CACNA2D3: variants seen among roughly 807,000 people sequenced by gnomAD.
CACNA2D3 encodes the protein calcium voltage-gated channel auxiliary subunit alpha2delta 3.
CACNA2D3 carries 60 observed loss-of-function variants against 160.6 expected under a neutral mutation model. The observed-to-expected ratio is 0.37, with a 90% CI of 0.30 to 0.46. The LOEUF (loss-of-function observed/expected upper bound fraction) is 0.46. Ranked by LOEUF, CACNA2D3 falls within the 20% of genes least tolerant of loss-of-function variation. The pLI, the probability that CACNA2D3 is intolerant of heterozygous loss-of-function variation, is 1.00. For synonymous variants in CACNA2D3, 558 were observed against 492.9 expected, an observed-to-expected ratio of 1.13 and a Z score of -1.75; for missense variants, 1,205 against 1,365.0, an observed-to-expected ratio of 0.88 and a Z score of 1.85.
At chr3:54,775,060 T>TGAAAG (rs1702402126) in intron 13 of CACNA2D3, among the ~76,000 whole-genome samples, 9 of 152,234 alleles carry the variant, frequency 5.9e-5, no homozygotes, top group Non-Finnish European at 2.9e-5. Flanking sequence ...TAAACCTTAA[T>TGAAAG]TTATTTGCCT....
At chr3:54,595,050 C>G (rs978911829) in intron 9 of CACNA2D3, among the ~76,000 whole-genome samples, 1 of 152,118 alleles carries the variant, frequency 6.6e-6, no homozygotes, top group Non-Finnish European at 1.5e-5. Context: ...AGAGTAAATT[C>G]TAGTTCAGAT....
intron 27 of CACNA2D3, among the ~76,000 whole-genome samples, chr3:54,915,989 C>T (rs1393829061): frequency 6.6e-6 from 1 of 152,204 alleles, no homozygotes; most frequent in South Asian, 2.1e-4. Context: ...GGATCAGAAA[C>T]TCCCTCATGT....
In CACNA2D3 at chr3:54,997,710, A is replaced by G. The variant is rs143483201; in HGVS notation, c.2691-7053A>G. On this transcript the variant is annotated intron_variant, in intron 31 of 37. Transcript: ENST00000474759. ...GCACTGAAGCCTGGGTGACAGAACA[A>G]TACCCCATCTCAAAAGAGAAAAGAA... is the stretch of plus-strand genomic sequence containing the variant. 1.4e-3 allele frequency among the ~76,000 whole-genome samples: 211 copies of G among 152,354 alleles called. 5 individuals are homozygous for G. The highest frequency in any genetic ancestry group is 0.01 in the Middle Eastern group (3 of 294).
At chr3:54,276,085 C>T (rs1260994282) in intron 2 of CACNA2D3, among the ~76,000 whole-genome samples, 1 of 151,990 alleles carries the variant, frequency 6.6e-6, no homozygotes, top group Non-Finnish European at 1.5e-5. Flanking sequence ...ATCCTGAAGC[C>T]CCGATTGAAT....
chr3:54,754,114 A>G (rs917682342), intron 12 of CACNA2D3, among the ~76,000 whole-genome samples: 8 of 152,224 alleles, frequency 5.3e-5, no homozygotes, highest in Admixed American at 5.2e-4. Flanking sequence ...TCATAAGGTT[A>G]ATTGATTACC....
chr3:54,465,928 C>G (rs1003458030), intron 4 of CACNA2D3, among the ~76,000 whole-genome samples: 1 of 152,134 alleles, frequency 6.6e-6, no homozygotes, highest in African/African-American at 2.4e-5. Context: ...TTCATTGAGG[C>G]TGTTGGAAGA....
In CACNA2D3 at chr3:54,274,069, G is replaced by A. The variant is rs1223440022; in HGVS notation, c.205-46373G>A. On this transcript the variant is annotated intron_variant, in intron 2 of 37. Transcript: ENST00000474759. ...AGTATACTACAGTGTGTCTTTGTTTGTGTTAGTCTACTGGAAATGACCTTC... is the reference window on the plus strand; with the variant it reads ...AGTATACTACAGTGTGTCTTTGTTTATGTTAGTCTACTGGAAATGACCTTC... Among the ~76,000 whole-genome samples the A allele has an allele frequency of 2.6e-5, 4 of 152,024 alleles. No individual in the cohort carries two copies. The South Asian group carries it at 8.3e-4, about 32-fold the overall frequency.
intron 4 of CACNA2D3, among the ~76,000 whole-genome samples, chr3:54,502,972 C>T (rs1247640108): frequency 6.6e-6 from 1 of 152,166 alleles, no homozygotes; most frequent in Non-Finnish European, 1.5e-5. Flanking sequence ...GGATTTCTCC[C>T]CTCATTTAAT....
At chr3:54,593,929 A>C (rs1702906383) in intron 9 of CACNA2D3, among the ~76,000 whole-genome samples, 1 of 152,202 alleles carries the variant, frequency 6.6e-6, no homozygotes, top group African/African-American at 2.4e-5. Flanking sequence ...TCTATGCGAG[A>C]TGTAGTACAG....
chr3:54,742,898 T>C (rs1701682800), intron 11 of CACNA2D3, among the ~76,000 whole-genome samples: 3 of 152,214 alleles, frequency 2.0e-5, no homozygotes, highest in African/African-American at 2.4e-5. Flanking sequence ...GATCAGAGCT[T>C]TTTTATACCT....
In CACNA2D3 at chr3:54,687,146, T is replaced by G. The variant is rs1040525980; in HGVS notation, c.1167+44905T>G. The stretch of plus-strand genomic sequence containing the variant: ...CTTTTTTTTTTTTTGTTTTTTTTTT[T>G]TTTTGTTTTTTTGACACTGGGCCTC... On this transcript the variant is annotated intron_variant, in intron 11 of 37. Transcript: ENST00000474759. Among the ~76,000 whole-genome samples, 370 of 76,822 alleles carry G rather than the reference T, an allele frequency of 4.8e-3. 3 individuals are homozygous for G. Among genetic ancestry groups the G allele is most frequent in the South Asian group, 0.019 (57 of 2,946 alleles). 50.4% of individuals were successfully genotyped at this position (76,822 alleles called of 152,430 possible). A position where few individuals can be genotyped will look rare whatever the true frequency, so the allele number is the denominator to read the frequency against.
At chr3:54,809,308 T>C (rs796398521) in intron 13 of CACNA2D3, among the ~76,000 whole-genome samples, 37 of 92,718 alleles carry the variant, frequency 4.0e-4, no homozygotes, top group Middle Eastern at 5.1e-3. Flanking sequence ...TCCTTCCTTC[T>C]TTCTTTTTTT....
chr3:54,369,448 C>G (rs1276293588), intron 3 of CACNA2D3, among the ~76,000 whole-genome samples: 3 of 152,168 alleles, frequency 2.0e-5, no homozygotes, highest in African/African-American at 7.2e-5. Flanking sequence ...AAGTCAGGGC[C>G]TTGACTTCGT....
chr3:54,871,656 G>A (rs756296308), intron 18 of CACNA2D3, 34 bp downstream of exon 18: 20 of 1,509,968 alleles, frequency 1.3e-5, no homozygotes, highest in Non-Finnish European at 1.8e-5. Context: ...CGTGGAGAAG[G>A]ACCTGCATTG....
intron 35 of CACNA2D3, among the ~76,000 whole-genome samples, chr3:55,021,697 G>A (rs374046784): frequency 4.3e-5 from 6 of 138,694 alleles, no homozygotes; most frequent in South Asian, 2.1e-4. Flanking sequence ...ATATATGTGT[G>A]TATATATATA....
At chr3:54,845,630 T>G (rs1317157574) in intron 16 of CACNA2D3, among the ~76,000 whole-genome samples, 1 of 152,264 alleles carries the variant, frequency 6.6e-6, no homozygotes, top group African/African-American at 2.4e-5. Context: ...AAGCCGGGAT[T>G]ATTATTTAAA....
At chr3:54,684,606 TCCCTTGGTGCATTTC>T (rs1406457768) in intron 11 of CACNA2D3, among the ~76,000 whole-genome samples, 9 of 152,188 alleles carry the variant, frequency 5.9e-5, no homozygotes, top group African/African-American at 2.2e-4. Flanking sequence ...TGTCTTATTT[TCCCTTGGTGCATTTC>T]CCCTTGGTGC....
chr3:54,283,890 C>T (rs1702944313), intron 2 of CACNA2D3, among the ~76,000 whole-genome samples: 1 of 152,006 alleles, frequency 6.6e-6, no homozygotes, highest in Non-Finnish European at 1.5e-5. Context: ...TGGTGAAACC[C>T]CGTCTCTACT....
At chr3:54,669,573 T>A (rs1009193229) in intron 11 of CACNA2D3, among the ~76,000 whole-genome samples, 2 of 152,184 alleles carry the variant, frequency 1.3e-5, no homozygotes, top group East Asian at 3.9e-4. Flanking sequence ...TGGTCTGTTG[T>A]TAATTTTTTG....
Sources: gnomAD v4.1 joint callset for allele counts (sites outside exome capture counted in the v4.1 genomes callset) on GRCh38, gnomAD v4.1.1 for gene constraint, MANE v1.5 for transcripts, NCBI Gene and HGNC (gene_info 2026-07-23, HGNC 2026-07-21) for gene names.